PCDH7: variants seen among roughly 807,000 people sequenced by gnomAD.
The protein encoded by PCDH7 is protocadherin 7.
Under a neutral mutation model 58.9 loss-of-function variants are expected in PCDH7, and 17 were observed. The observed-to-expected ratio is 0.29, with a 90% CI of 0.20 to 0.43. PCDH7 has a LOEUF of 0.43. Ranked by LOEUF, PCDH7 falls within the 20% of genes least tolerant of loss-of-function variation. The pLI is 1.00. For missense variants in PCDH7, 1,274 were observed against 1,441.0 expected (o/e 0.88, Z 1.88); for synonymous variants, 664 against 616.4 (o/e 1.08, Z -1.14).
intron 1 of PCDH7, among the ~76,000 whole-genome samples, chr4:30,746,557 C>G (rs1277109871): frequency 6.6e-6 from 1 of 152,120 alleles, no homozygotes; most frequent in Non-Finnish European, 1.5e-5. Flanking sequence ...TTTTTGGTGG[C>G]TATTCCTGAA....
chr4:31,095,996 C>T (rs1713923376), intron 3 of PCDH7, among the ~76,000 whole-genome samples: 1 of 152,290 alleles, frequency 6.6e-6, no homozygotes, highest in South Asian at 2.1e-4. Context: ...CTGCATCTCC[C>T]TTGGTGTTGG....
intron 1 of PCDH7, among the ~76,000 whole-genome samples, chr4:30,749,536 CTT>C (rs1225054601): frequency 2.0e-5 from 3 of 152,002 alleles, no homozygotes; most frequent in Admixed American, 1.3e-4. Flanking sequence ...GCCTGGTGGT[CTT>C]TTTTCTGTAG....
chr4:30,875,273 C>T (rs1286513384), intron 1 of PCDH7, among the ~76,000 whole-genome samples: 9 of 151,934 alleles, frequency 5.9e-5, no homozygotes, highest in East Asian at 1.9e-4. Flanking sequence ...TGTCCAAATT[C>T]CCCCCTTCTT....
chr4:30,885,490 G>A (rs564648876), intron 1 of PCDH7, among the ~76,000 whole-genome samples: 2 of 152,260 alleles, frequency 1.3e-5, no homozygotes, highest in South Asian at 4.2e-4. Context: ...TCTCTTTCAA[G>A]ATAACCTTTA....
At chr4:31,074,784 C>CAAAAAAAAAAAAAAAAAAAAAAAAA (rs1157267696) in intron 3 of PCDH7, among the ~76,000 whole-genome samples, 8 of 52,470 alleles carry the variant, frequency 1.5e-4, no homozygotes, top group East Asian at 1.0e-3. Context: ...GATTCCGTCT[C>CAAAAAAAAAAAAAAAAAAAAAAAAA]AAAAAAAAAA....
At chr4:30,724,750 A>G (rs1319625315) in intron 1 of PCDH7, 154 bp downstream of exon 1, 4 of 1,448,272 alleles carry the variant, frequency 2.8e-6, no homozygotes, top group Admixed American at 2.9e-5. Flanking sequence ...TTAATTTAGC[A>G]AAGGCCATCT....
intron 3 of PCDH7, among the ~76,000 whole-genome samples, chr4:31,081,823 A>G (rs1424128271): frequency 6.7e-6 from 1 of 148,656 alleles, no homozygotes; most frequent in Non-Finnish European, 1.5e-5. Flanking sequence ...CCCATGCTGG[A>G]GTGCAGTGGC....
chr4:30,861,044 T>A (rs1312506101), intron 1 of PCDH7, among the ~76,000 whole-genome samples: 2 of 152,174 alleles, frequency 1.3e-5, no homozygotes, highest in Non-Finnish European at 2.9e-5. Context: ...TGCAGGAAGA[T>A]CTTAGCTACT....
At chr4:30,986,874 A>G (rs890963759) in intron 3 of PCDH7, among the ~76,000 whole-genome samples, 5 of 151,998 alleles carry the variant, frequency 3.3e-5, no homozygotes, top group East Asian at 1.9e-4. Context: ...CCAGCTACTC[A>G]GGAGGCTGAG....
chr4:30,969,128 G>C (rs919869653), intron 3 of PCDH7, among the ~76,000 whole-genome samples: 1 of 152,124 alleles, frequency 6.6e-6, no homozygotes, highest in Non-Finnish European at 1.5e-5. Flanking sequence ...GCTGTTTTAG[G>C]CCGGAATGCA....
intron 3 of PCDH7, among the ~76,000 whole-genome samples, chr4:31,036,253 T>C (rs1755402357): frequency 6.6e-6 from 1 of 152,198 alleles, no homozygotes; most frequent in Admixed American, 6.5e-5. Flanking sequence ...TGGTGCAATC[T>C]CAGCTCACTG....
At chr4:31,036,191 T>G (rs1027916587) in intron 3 of PCDH7, among the ~76,000 whole-genome samples, 1 of 152,174 alleles carries the variant, frequency 6.6e-6, no homozygotes, top group Non-Finnish European at 1.5e-5. Flanking sequence ...TGTAGTTCTT[T>G]TTTTGTATTT....
chr4:30,737,730 C>G (rs867513056), downstream of PCDH7, among the ~76,000 whole-genome samples: 1 of 152,102 alleles, frequency 6.6e-6, no homozygotes, highest in African/African-American at 2.4e-5. Flanking sequence ...TGACATGTCC[C>G]TGGTAAAGGT....
At chr4:31,145,115 C>T (rs1193145703), downstream of PCDH7, 1 of 151,468 alleles carries the variant, frequency 6.6e-6, no homozygotes, top group African/African-American at 2.4e-5. Context: ...TAGCTCATTT[C>T]ACCCTATCTT....
intron 3 of PCDH7, among the ~76,000 whole-genome samples, chr4:31,068,677 A>C (rs1758293910): frequency 6.6e-6 from 1 of 152,034 alleles, no homozygotes; most frequent in South Asian, 2.1e-4. Flanking sequence ...GAGGGATTCC[A>C]AGGAAGCAGG....
intron 3 of PCDH7, among the ~76,000 whole-genome samples, chr4:30,974,356 C>T (rs572775763): frequency 2.8e-4 from 43 of 151,628 alleles, no homozygotes; most frequent in Non-Finnish European, 5.4e-4. Context: ...CTCACAAAGA[C>T]AATACTTCCC....
intron 1 of PCDH7, among the ~76,000 whole-genome samples, chr4:30,880,067 G>T (rs1364234029): frequency 6.6e-6 from 1 of 151,984 alleles, no homozygotes; most frequent in Non-Finnish European, 1.5e-5. Flanking sequence ...TTGACTCATG[G>T]AATATTTAAT....
intron 3 of PCDH7, among the ~76,000 whole-genome samples, chr4:31,079,680 T>A (rs1759340849): frequency 6.6e-6 from 1 of 151,954 alleles, no homozygotes. Context: ...CCATAACACA[T>A]TAATTCTTCT....
At chr4:31,017,502 T>C (rs1233977433) in intron 3 of PCDH7, among the ~76,000 whole-genome samples, 1 of 152,124 alleles carries the variant, frequency 6.6e-6, no homozygotes, top group African/African-American at 2.4e-5. Flanking sequence ...AATGAAGATA[T>C]CCAGAGTAGA....
Sources: gnomAD v4.1 joint callset for allele counts (sites outside exome capture counted in the v4.1 genomes callset) on GRCh38, gnomAD v4.1.1 for gene constraint, MANE v1.5 for transcripts, NCBI Gene and HGNC (gene_info 2026-07-23, HGNC 2026-07-21) for gene names.